The following GLIS1 variants were observed in gnomAD, a reference collection of about 807,000 sequenced individuals.
The protein encoded by GLIS1 is zinc finger protein GLIS1.
A neutral mutation model predicts 63.8 loss-of-function variants in GLIS1; 24 were observed. The ratio of observed to expected loss-of-function variants is 0.38; its 90% CI spans 0.27 to 0.53. The LOEUF is 0.53. Ranked by LOEUF, GLIS1 falls within the 20% of genes least tolerant of loss-of-function variation. The pLI is 0.85. For synonymous variants in GLIS1, 450 were observed against 482.5 expected (o/e 0.93, Z 0.88); for missense variants, 1,036 against 1,074.1 (o/e 0.96, Z 0.50).
chr1:53,541,088 T>C (rs1319105455), intron 4 of GLIS1, among the ~76,000 whole-genome samples: 1 of 151,970 alleles, frequency 6.6e-6, no homozygotes, highest in Non-Finnish European at 1.5e-5. Flanking sequence ...CACTGGTGTG[T>C]AGCTCCTGGA....
chr1:53,643,916 G>A (rs1413161639), intron 2 of GLIS1, among the ~76,000 whole-genome samples: 1 of 152,184 alleles, frequency 6.6e-6, no homozygotes, highest in Non-Finnish European at 1.5e-5. Flanking sequence ...ATGAGGCTCG[G>A]AGCCAGGGGC....
intron 4 of GLIS1, among the ~76,000 whole-genome samples, chr1:53,536,842 G>C (rs1644586023): frequency 6.6e-6 from 1 of 152,114 alleles, no homozygotes; most frequent in African/African-American, 2.4e-5. Context: ...ATGCCTCCAT[G>C]CAGAAAGGAA....
chr1:53,738,570 C>CGA (rs571107969), intron 1 of GLIS1, among the ~76,000 whole-genome samples: 1 of 152,186 alleles, frequency 6.6e-6, no homozygotes, highest in Non-Finnish European at 1.5e-5. Flanking sequence ...TCTCCGGGGC[C>CGA]GAGCTGCGCG....
chr1:53,726,121 A>C (rs559272201), intron 2 of GLIS1, among the ~76,000 whole-genome samples: 1 of 152,314 alleles, frequency 6.6e-6, no homozygotes, highest in East Asian at 1.9e-4. Context: ...TCAGACAATG[A>C]AGGAAGGACG....
intron 4 of GLIS1, among the ~76,000 whole-genome samples, chr1:53,552,272 G>A (rs191701427): frequency 3.3e-5 from 5 of 152,134 alleles, no homozygotes; most frequent in African/African-American, 7.2e-5. Flanking sequence ...AGTGTGTCCC[G>A]GTAGGAGGGG....
chr1:53,685,739 A>T (rs1646329138), intron 2 of GLIS1, among the ~76,000 whole-genome samples: 1 of 151,960 alleles, frequency 6.6e-6, no homozygotes, highest in South Asian at 2.1e-4. Flanking sequence ...GTCCTAACCC[A>T]TCCCCTCCTC....
chr1:53,711,755 A>AT (rs1480840574), intron 2 of GLIS1, among the ~76,000 whole-genome samples: 8 of 152,356 alleles, frequency 5.3e-5, no homozygotes, highest in African/African-American at 1.9e-4. Context: ...AGTCATTGTT[A>AT]TCAGTTAACA....
intron 2 of GLIS1, among the ~76,000 whole-genome samples, chr1:53,651,246 C>T (rs1645903896): frequency 6.6e-6 from 1 of 152,132 alleles, no homozygotes; most frequent in Non-Finnish European, 1.5e-5. Flanking sequence ...ATGTGGAAGT[C>T]GTTTTCTACT....
chr1:53,642,297 T>C (rs1219500717), intron 2 of GLIS1, among the ~76,000 whole-genome samples: 5 of 152,254 alleles, frequency 3.3e-5, no homozygotes, highest in East Asian at 1.9e-4. Flanking sequence ...GGAGCTGTCT[T>C]GCTTTGATGG....
intron 2 of GLIS1, among the ~76,000 whole-genome samples, chr1:53,690,301 C>G (rs941968657): frequency 6.6e-6 from 1 of 152,248 alleles, no homozygotes; most frequent in Admixed American, 6.5e-5. Flanking sequence ...TCCGCTGCCC[C>G]CATCAGCGCA....
intron 4 of GLIS1, among the ~76,000 whole-genome samples, chr1:53,558,864 A>C (rs1644858694): frequency 6.6e-6 from 1 of 152,104 alleles, no homozygotes; most frequent in African/African-American, 2.4e-5. Flanking sequence ...GACCATGTAG[A>C]CTCTGCTCAG....
intron 2 of GLIS1, among the ~76,000 whole-genome samples, chr1:53,607,934 T>C (rs931762666): frequency 6.6e-6 from 1 of 150,840 alleles, no homozygotes; most frequent in Admixed American, 6.6e-5. Flanking sequence ...ACGGAGAAAG[T>C]AGAGTGAGCT....
chr1:53,540,528 G>T (rs918375150), intron 4 of GLIS1, among the ~76,000 whole-genome samples: 2 of 152,110 alleles, frequency 1.3e-5, no homozygotes, highest in African/African-American at 4.8e-5. Flanking sequence ...TCAGGGTGTG[G>T]CCTTGGTACT....
chr1:53,516,531 A>T (rs537528302), intron 7 of GLIS1, among the ~76,000 whole-genome samples: 1 of 151,900 alleles, frequency 6.6e-6, no homozygotes, highest in South Asian at 2.1e-4. Flanking sequence ...TCACATGGAA[A>T]CCGTTAAAAA....
chr1:53,606,234 G>A (rs553776328), intron 2 of GLIS1, among the ~76,000 whole-genome samples: 148 of 152,320 alleles, frequency 9.7e-4, no homozygotes, highest in Middle Eastern at 3.4e-3. Flanking sequence ...AACAGCCCCT[G>A]GGGTAGACCT....
At chr1:53,632,098 AAT>A in intron 2 of GLIS1, among the ~76,000 whole-genome samples, 1 of 146,882 alleles carries the variant, frequency 6.8e-6, no homozygotes, top group African/African-American at 2.5e-5. Context: ...GGGGTGTGTG[AAT>A]GAATGTGACT....
chr1:53,733,082 C>T (rs1366525978), intron 2 of GLIS1, among the ~76,000 whole-genome samples: 2 of 152,220 alleles, frequency 1.3e-5, no homozygotes, highest in Non-Finnish European at 2.9e-5. Flanking sequence ...ACTGGCCAAA[C>T]TCCACAAAGT....
At chr1:53,738,176 T>A in intron 1 of GLIS1, 70 bp from the exon 2 acceptor site, 2 of 948,222 alleles carry the variant, frequency 2.1e-6, no homozygotes, top group Non-Finnish European at 2.7e-6. Flanking sequence ...GGGGCCGAGT[T>A]TGAGCAGGTC....
chr1:53,738,154 C>A (rs1255333410), intron 1 of GLIS1, 48 bp from the exon 2 acceptor site: 38 of 1,116,892 alleles, frequency 3.4e-5, no homozygotes, highest in South Asian at 4.6e-5. Context: ...AAAGCGGCCC[C>A]CGTATTGTCC....
Sources: allele counts gnomAD v4.1 joint callset (sites outside exome capture counted in the v4.1 genomes callset), GRCh38; gene constraint gnomAD v4.1.1; transcripts MANE v1.5; gene names NCBI Gene and HGNC (gene_info 2026-07-23, HGNC 2026-07-21).